Variants in SHB observed in about 807,000 individuals in gnomAD.
The protein encoded by SHB is SH2 domain-containing adapter protein B.
A neutral mutation model predicts 52.3 loss-of-function variants in SHB; 20 were observed. The ratio of observed to expected loss-of-function variants is 0.38; its 90% CI spans 0.27 to 0.56. SHB has a LOEUF of 0.56. Ranked by LOEUF, SHB falls within the 20% of genes least tolerant of loss-of-function variation. The pLI is 0.71. For synonymous variants in SHB, 397 were observed against 316.5 expected, an observed-to-expected ratio of 1.25 and a Z score of -2.70; for missense variants, 825 against 723.3, an observed-to-expected ratio of 1.14 and a Z score of -1.61.
At chr9:38,020,991 T>C (rs1171699425) in intron 1 of SHB, among the ~76,000 whole-genome samples, 3 of 152,226 alleles carry the variant, frequency 2.0e-5, no homozygotes, top group Admixed American at 6.5e-5. Flanking sequence ...GAGGAGCCAC[T>C]GCAGAAATGC....
At chr9:38,048,265 CT>C (rs1821684926) in intron 1 of SHB, among the ~76,000 whole-genome samples, 1 of 152,058 alleles carries the variant, frequency 6.6e-6, no homozygotes, top group South Asian at 2.1e-4. Flanking sequence ...TCCTTCCAGT[CT>C]TTTTTCTACA....
chr9:38,022,527 G>A (rs1366140839), intron 1 of SHB, among the ~76,000 whole-genome samples: 5 of 152,160 alleles, frequency 3.3e-5, no homozygotes, highest in Non-Finnish European at 4.4e-5. Flanking sequence ...CTCCTTGAAG[G>A]TGAGCAAATA....
intron 5 of SHB, among the ~76,000 whole-genome samples, chr9:37,934,336 T>G (rs1832345128): frequency 6.6e-6 from 1 of 152,156 alleles, no homozygotes. Context: ...CTTGCTTTGT[T>G]GTCCAGGCTG....
Position 37,916,684 on chromosome 9 carries a change from C to T in SHB, c.*3137G>A, listed in dbSNP as rs1832103570. Reference sequence around the variant, plus strand: ...TTCCTGGGAACAGCTACGCTGTGAGCCTCTCTCCAGGAGAGGGTGTCAGCC... The same window carrying T: ...TTCCTGGGAACAGCTACGCTGTGAGTCTCTCTCCAGGAGAGGGTGTCAGCC... On this transcript the variant is annotated 3_prime_UTR_variant, in exon 6 of 6. Coordinates refer to ENST00000377707, the MANE Select transcript of SHB (RefSeq NM_003028.3). Among the ~76,000 whole-genome samples the T allele has an allele frequency of 1.3e-5, 2 of 152,252 alleles. No homozygotes were observed. The highest frequency in any genetic ancestry group is 4.8e-5 in the African/African-American group (2 of 41,470).
At chr9:37,949,392 C>CAAAAAA (rs771495216) in intron 4 of SHB, among the ~76,000 whole-genome samples, 80 of 46,018 alleles carry the variant, frequency 1.7e-3, no homozygotes, top group Middle Eastern at 0.011. Context: ...GACTCCATCT[C>CAAAAAA]AAAAAAAAAA....
chr9:38,025,850 A>C (rs1397903316), intron 1 of SHB, among the ~76,000 whole-genome samples: 1 of 152,212 alleles, frequency 6.6e-6, no homozygotes, highest in Non-Finnish European at 1.5e-5. Context: ...AGGAGCCACC[A>C]GAGGCTCCAA....
intron 1 of SHB, among the ~76,000 whole-genome samples, chr9:38,058,811 C>A (rs1821854248): frequency 6.6e-6 from 1 of 152,170 alleles, no homozygotes; most frequent in South Asian, 2.1e-4. Flanking sequence ...TGTTCTTCTT[C>A]CCTCTGCCTG....
intron 5 of SHB, among the ~76,000 whole-genome samples, chr9:37,939,652 T>C (rs780409913): frequency 1.3e-5 from 2 of 152,196 alleles, no homozygotes; most frequent in Non-Finnish European, 2.9e-5. Context: ...AGAGAACTAG[T>C]TGGCCATTGG....
chr9:37,996,496 G>C (rs1820947685), intron 2 of SHB, among the ~76,000 whole-genome samples: 1 of 152,204 alleles, frequency 6.6e-6, no homozygotes, highest in African/African-American at 2.4e-5. Flanking sequence ...AAATAAAGCA[G>C]CAGTTCTTTA....
intron 2 of SHB, among the ~76,000 whole-genome samples, chr9:38,010,598 A>T (rs1003847874): frequency 6.6e-6 from 1 of 151,740 alleles, no homozygotes; most frequent in African/African-American, 2.4e-5. Flanking sequence ...ACCTCCCACA[A>T]CCCACTCTAC....
intron 5 of SHB, among the ~76,000 whole-genome samples, chr9:37,925,079 C>G (rs1832232074): frequency 6.6e-6 from 1 of 152,250 alleles, no homozygotes; most frequent in Middle Eastern, 3.2e-3. Flanking sequence ...GGCACACATA[C>G]ATGCCTGGCA....
intron 1 of SHB, among the ~76,000 whole-genome samples, chr9:38,033,380 C>T (rs1330090692): frequency 6.6e-6 from 1 of 152,178 alleles, no homozygotes; most frequent in Non-Finnish European, 1.5e-5. Context: ...ACCCACAGAT[C>T]CCAGAAAAAT....
At chr9:38,023,661 T>C (rs1587249546) in intron 1 of SHB, among the ~76,000 whole-genome samples, 1 of 152,360 alleles carries the variant, frequency 6.6e-6, no homozygotes, top group East Asian at 1.9e-4. Flanking sequence ...AATGCCCTTT[T>C]TTCCCCCCTT....
intron 1 of SHB, among the ~76,000 whole-genome samples, chr9:38,060,592 T>C (rs1821880082): frequency 6.6e-6 from 1 of 151,968 alleles, no homozygotes; most frequent in Admixed American, 6.6e-5. Flanking sequence ...TAGTGAGGAG[T>C]AAAGTTACAT....
intron 1 of SHB, among the ~76,000 whole-genome samples, chr9:38,050,839 C>CA (rs1821729120): frequency 6.6e-6 from 1 of 151,238 alleles, no homozygotes; most frequent in African/African-American, 2.5e-5. Context: ...TAATCATTCC[C>CA]AAAAAGGCCA....
intron 5 of SHB, among the ~76,000 whole-genome samples, chr9:37,926,638 C>T (rs1832254083): frequency 6.6e-6 from 1 of 152,224 alleles, no homozygotes; most frequent in Non-Finnish European, 1.5e-5. Context: ...CACACGACCC[C>T]GTTCTCCCTC....
chr9:38,047,813 G>A (rs1427482422), intron 1 of SHB, among the ~76,000 whole-genome samples: 1 of 152,208 alleles, frequency 6.6e-6, no homozygotes, highest in East Asian at 1.9e-4. Flanking sequence ...GGTGTGAGTT[G>A]CAGCTTCCTG....
At chr9:37,993,508 T>C (rs1037243852) in intron 2 of SHB, among the ~76,000 whole-genome samples, 3 of 152,136 alleles carry the variant, frequency 2.0e-5, no homozygotes, top group African/African-American at 7.2e-5. Flanking sequence ...TGTATACATA[T>C]GTGACAAACC....
chr9:38,011,878 G>A (rs1287646902), intron 2 of SHB, among the ~76,000 whole-genome samples: 1 of 152,166 alleles, frequency 6.6e-6, no homozygotes, highest in Non-Finnish European at 1.5e-5. Context: ...AGGGTTTAAG[G>A]AGACACCCCC....
Sources: allele counts gnomAD v4.1 joint callset (sites outside exome capture counted in the v4.1 genomes callset), GRCh38; gene constraint gnomAD v4.1.1; transcripts MANE v1.5; gene names NCBI Gene and HGNC (gene_info 2026-07-23, HGNC 2026-07-21).